The following PLCB4 variants were observed in gnomAD, a reference collection of about 807,000 sequenced individuals.
PLCB4 encodes 1-phosphatidylinositol 4,5-bisphosphate phosphodiesterase beta-4.
In PLCB4, 77 loss-of-function variants were observed where a neutral mutation model predicts 178.8. That is an observed-to-expected ratio of 0.43 (90% CI 0.36 to 0.52). PLCB4 has a LOEUF of 0.52. Among genes scored for constraint, PLCB4 ranks in the 20% least tolerant of loss-of-function variants. The pLI is 0.00. For synonymous variants in PLCB4, 496 were observed against 490.8 expected (o/e 1.01, Z -0.14); for missense variants, 1,024 against 1,453.4 (o/e 0.70, Z 4.80).
At chr20:9,089,806 C>T (rs573181963) in intron 1 of PLCB4, among the ~76,000 whole-genome samples, 1 of 152,268 alleles carries the variant, frequency 6.6e-6, no homozygotes, top group Admixed American at 6.5e-5. Context: ...AGTATTTTCA[C>T]ACTTGATCCT....
At chr20:9,379,628 G>A (rs892200557) in intron 12 of PLCB4, among the ~76,000 whole-genome samples, 1 of 152,120 alleles carries the variant, frequency 6.6e-6, no homozygotes, top group African/African-American at 2.4e-5. Flanking sequence ...GGGTTTTTGA[G>A]GGGTGCACTT....
At position 9,123,660 on chromosome 20, in the gene PLCB4, A is replaced by G. The variant is rs969720945; in HGVS notation, c.-79+27318A>G. On this transcript the variant is annotated intron_variant, in intron 2 of 39. Transcript: ENST00000378473. ...AATTACCATGAACAATTTGGTGATT[A>G]TTTCTTCAGATCTTTCACCCAAACT... Among the ~76,000 whole-genome samples the G allele has an allele frequency of 6.6e-5, 10 of 152,130 alleles. No individual in the cohort carries two copies. The South Asian group carries it at 1.9e-3, about 28-fold the overall frequency.
chr20:9,104,454 T>C (rs2091289689), intron 2 of PLCB4, among the ~76,000 whole-genome samples: 1 of 152,068 alleles, frequency 6.6e-6, no homozygotes, highest in Admixed American at 6.6e-5. Flanking sequence ...GTCAAAGAAT[T>C]TGGGGACCAT....
At chr20:9,265,112 A>G (rs1189185780) in intron 3 of PLCB4, among the ~76,000 whole-genome samples, 1 of 152,182 alleles carries the variant, frequency 6.6e-6, no homozygotes. Context: ...TAAAAAGAGA[A>G]TGACTGGGAC....
At chr20:9,259,411 G>A (rs2094273738) in intron 3 of PLCB4, among the ~76,000 whole-genome samples, 2 of 152,116 alleles carry the variant, frequency 1.3e-5, no homozygotes. Flanking sequence ...AATTAATGGA[G>A]AAAGGTTGGG....
intron 1 of PLCB4, among the ~76,000 whole-genome samples, chr20:9,087,428 G>GATAT (rs762658529): frequency 3.7e-4 from 38 of 103,266 alleles, no homozygotes; most frequent in Non-Finnish European, 7.7e-4. Flanking sequence ...TACTTTGAAT[G>GATAT]ATTTTTTTTG....
Position 9,387,473 on chromosome 20 carries a change from C to A in PLCB4, c.1075C>A (p.Leu359Ile). ...TCACTATATCCCTAGATGTGTTGAA[C>A]TTGACTGCTGGGATGGAAAAGGTGA... ...VLLAGCRCVELDCWDGKGEDQ... is the reference protein window; with the variant it reads ...VLLAGCRCVEIDCWDGKGEDQ... The change falls in exon 15 of 40, where the codon CTT becomes ATT. Residue 359 changes from leucine to isoleucine, a missense_variant. Leu to Ile is a conservative substitution (Grantham distance 5). Around this residue, in one of 7 missense-constraint regions of PLCB4, gnomAD observed 263 missense variants for 417.4 expected, o/e 0.63. Coordinates refer to ENST00000378473, the MANE Select transcript of PLCB4 (RefSeq NM_001377142.1). The A allele has an allele frequency of 1.3e-6, 2 of 1,578,140 alleles. No individual in the cohort carries two copies. Among genetic ancestry groups the A allele is most frequent in the African/African-American group, 1.3e-5 (1 of 74,280 alleles).
At chr20:9,476,417 C>G (rs2122722046) in intron 38 of PLCB4, among the ~76,000 whole-genome samples, 1 of 152,280 alleles carries the variant, frequency 6.6e-6, no homozygotes, top group Non-Finnish European at 1.5e-5. Context: ...TCAATCCTAT[C>G]ATTTAATAAA....
intron 2 of PLCB4, among the ~76,000 whole-genome samples, chr20:9,146,205 T>G (rs2092596088): frequency 6.6e-6 from 1 of 152,106 alleles, no homozygotes; most frequent in Non-Finnish European, 1.5e-5. Flanking sequence ...ATTGTTTCGG[T>G]GGGGGTGCCT....
At chr20:9,087,084 A>G (rs1272865324) in intron 1 of PLCB4, among the ~76,000 whole-genome samples, 1 of 152,184 alleles carries the variant, frequency 6.6e-6, no homozygotes, top group Non-Finnish European at 1.5e-5. Context: ...GTCTCTTTGT[A>G]GAGAGCATAT....
chr20:9,070,414 C>T (rs2089507814), intron 1 of PLCB4, among the ~76,000 whole-genome samples: 1 of 152,158 alleles, frequency 6.6e-6, no homozygotes, highest in African/African-American at 2.4e-5. Flanking sequence ...ATTTTATACT[C>T]TTCAAATTTG....
At chr20:9,127,695 CATCT>C (rs2092159018) in intron 2 of PLCB4, among the ~76,000 whole-genome samples, 1 of 150,252 alleles carries the variant, frequency 6.7e-6, no homozygotes, top group Non-Finnish European at 1.5e-5. Context: ...TCCATCCATC[CATCT>C]ATCTAAACGG....
chr20:9,306,824 G>T (rs1229285750), intron 3 of PLCB4, among the ~76,000 whole-genome samples: 1 of 152,162 alleles, frequency 6.6e-6, no homozygotes, highest in Non-Finnish European at 1.5e-5. Context: ...GTTGCAGGGA[G>T]CCACTCTGAA....
At chr20:9,281,055 G>T (rs2094491173) in intron 3 of PLCB4, among the ~76,000 whole-genome samples, 1 of 151,802 alleles carries the variant, frequency 6.6e-6, no homozygotes, top group African/African-American at 2.4e-5. Flanking sequence ...ACTTTCTTAG[G>T]AACTTCACTT....
Position 9,457,471 on chromosome 20 carries a change from A to G in PLCB4, c.3054A>G (p.Thr1018=). The G allele has an allele frequency of 6.6e-7, 1 of 1,516,926 alleles. No homozygotes were observed. Among genetic ancestry groups the G allele is most frequent in the Non-Finnish European group, 9.2e-7 (1 of 1,091,486 alleles). 94.0% of individuals were successfully genotyped at this position (1,516,926 alleles called of 1,614,324 possible). ...CAGAAATCAAAATTCAGACGCTGAC[A>G]TCAGATCACAAATCTAAGGTAAGAA... ...KETEIKIQTL[T]SDHKSKVKEI... Residue 1018 remains threonine, a synonymous_variant, in exon 34 of 40, where the codon ACA becomes ACG. Coordinates refer to ENST00000378473, the MANE Select transcript of PLCB4 (RefSeq NM_001377142.1).
intron 1 of PLCB4, among the ~76,000 whole-genome samples, chr20:9,083,729 G>A (rs1182332140): frequency 6.6e-6 from 1 of 152,168 alleles, no homozygotes; most frequent in African/African-American, 2.4e-5. Flanking sequence ...AGGTTGACCT[G>A]ACCTGAATCT....
intron 2 of PLCB4, among the ~76,000 whole-genome samples, chr20:9,213,128 CTTTTTTTTTT>C (rs56785951): frequency 8.4e-5 from 3 of 35,728 alleles, no homozygotes; most frequent in Admixed American, 4.9e-4. Context: ...CGTTAGCATA[CTTTTTTTTTT>C]TTTTTTTTTT....
At chr20:9,328,325 A>G (rs978749215) in intron 4 of PLCB4, among the ~76,000 whole-genome samples, 2 of 152,226 alleles carry the variant, frequency 1.3e-5, no homozygotes, top group African/African-American at 4.8e-5. Context: ...CAGTAGGAAC[A>G]GAGTTTTTCC....
At chr20:9,229,995 C>T (rs913901001) in intron 3 of PLCB4, among the ~76,000 whole-genome samples, 2 of 151,964 alleles carry the variant, frequency 1.3e-5, no homozygotes, top group African/African-American at 4.8e-5. Flanking sequence ...AACAAAATAC[C>T]ATAGACTGGA....
Sources: allele counts gnomAD v4.1 joint callset (sites outside exome capture counted in the v4.1 genomes callset), GRCh38; gene constraint gnomAD v4.1.1; regional missense constraint gnomAD v4.1.1; transcripts MANE v1.5; gene names NCBI Gene and HGNC (gene_info 2026-07-23, HGNC 2026-07-21).